DOCK1: variants seen among roughly 807,000 people sequenced by gnomAD.
The protein encoded by DOCK1 is dedicator of cytokinesis 1.
Under a neutral mutation model 262.7 loss-of-function variants are expected in DOCK1, and 138 were observed. That is an observed-to-expected ratio of 0.53 (90% confidence interval 0.46 to 0.61). The LOEUF (loss-of-function observed/expected upper bound fraction) is 0.61, where lower values mean the gene tolerates loss of function less well. Among genes scored for constraint, DOCK1 ranks in the 20% least tolerant of loss-of-function variants. DOCK1 has a pLI of 0.00. For missense variants in DOCK1, 1,908 were observed against 2,370.7 expected (o/e 0.80, Z 4.05); for synonymous variants, 866 against 867.4 (o/e 1.00, Z 0.03).
intron 27 of DOCK1, among the ~76,000 whole-genome samples, chr10:127,198,649 A>G (rs2057321884): frequency 6.6e-6 from 1 of 152,202 alleles, no homozygotes; most frequent in Admixed American, 6.5e-5. Flanking sequence ...GTATAACGGA[A>G]TTCTGTAGCA....
At chr10:127,329,377 G>A (rs995077736) in intron 29 of DOCK1, among the ~76,000 whole-genome samples, 4 of 152,142 alleles carry the variant, frequency 2.6e-5, no homozygotes, top group African/African-American at 9.7e-5. Flanking sequence ...GGACACTGGG[G>A]TGCTGAGGCG....
At chr10:127,094,953 C>T (rs1186093397) in intron 23 of DOCK1, among the ~76,000 whole-genome samples, 1 of 152,170 alleles carries the variant, frequency 6.6e-6, no homozygotes, top group African/African-American at 2.4e-5. Flanking sequence ...CTATGGAGGC[C>T]TCTTCCAAGG....
chr10:127,206,428 G>A (rs941069691), intron 27 of DOCK1, among the ~76,000 whole-genome samples: 3 of 152,166 alleles, frequency 2.0e-5, no homozygotes, highest in African/African-American at 7.2e-5. Flanking sequence ...AAAGGCGTGA[G>A]CCACCGCGCC....
chr10:127,018,598 A>G (rs2135406260), intron 12 of DOCK1, 112 bp from the exon 13 acceptor site: 1 of 1,538,368 alleles, frequency 6.5e-7, no homozygotes, highest in Admixed American at 1.9e-5. Context: ...CTTTTCTCTC[A>G]AGATGTTGAA....
chr10:127,041,789 G>T (rs2044031038), intron 19 of DOCK1, among the ~76,000 whole-genome samples: 1 of 152,182 alleles, frequency 6.6e-6, no homozygotes, highest in African/African-American at 2.4e-5. Context: ...GTTTCCCTTT[G>T]TATGTCCCTA....
intron 23 of DOCK1, among the ~76,000 whole-genome samples, chr10:127,093,801 C>T (rs1165760450): frequency 6.6e-6 from 1 of 152,124 alleles, no homozygotes; most frequent in Non-Finnish European, 1.5e-5. Flanking sequence ...GCTGCTATAA[C>T]AAAATACCTG....
At chr10:127,079,907 GGC>G (rs1564787901) in intron 23 of DOCK1, among the ~76,000 whole-genome samples, 1 of 152,090 alleles carries the variant, frequency 6.6e-6, no homozygotes, top group African/African-American at 2.4e-5. Flanking sequence ...CTCCAGCCTG[GGC>G]GACAAGAATG....
chr10:127,207,893 A>G (rs1319277348), intron 27 of DOCK1, among the ~76,000 whole-genome samples: 1 of 152,182 alleles, frequency 6.6e-6, no homozygotes, highest in Non-Finnish European at 1.5e-5. Flanking sequence ...AAGTTGTTGG[A>G]CAGAATTTTG....
intron 51 of DOCK1, among the ~76,000 whole-genome samples, chr10:127,449,912 A>G (rs1343596064): frequency 2.0e-5 from 3 of 152,122 alleles, no homozygotes; most frequent in African/African-American, 7.2e-5. Flanking sequence ...CTTAATGGTG[A>G]TAAACTTTTG....
chr10:127,301,447 C>T (rs1388523609), intron 29 of DOCK1, among the ~76,000 whole-genome samples: 2 of 152,184 alleles, frequency 1.3e-5, no homozygotes, highest in Non-Finnish European at 2.9e-5. Flanking sequence ...ACTGTGCTAA[C>T]CGCTTCTTTT....
At chr10:127,280,975 G>A (rs370060475) in intron 29 of DOCK1, among the ~76,000 whole-genome samples, 20 of 152,226 alleles carry the variant, frequency 1.3e-4, no homozygotes, top group African/African-American at 4.3e-4. Context: ...TTAGTTTAGC[G>A]AGTTACTCCT....
chr10:127,362,939 C>CCA (rs2064629986), intron 33 of DOCK1, among the ~76,000 whole-genome samples: 2 of 4,544 alleles, frequency 4.4e-4, no homozygotes, highest in African/African-American at 2.4e-3. Flanking sequence ...GCACATCCCC[C>CCA]CACACACATA....
chr10:126,937,478 C>G (rs939904839), intron 1 of DOCK1, among the ~76,000 whole-genome samples: 144 of 150,700 alleles, frequency 9.6e-4, no homozygotes, highest in African/African-American at 3.3e-3. Flanking sequence ...TTGAGTTTCT[C>G]CACACTTGTT....
chr10:127,016,701 AAC>A (rs140164365), intron 12 of DOCK1: 60,401 of 150,320 alleles, frequency 0.4, 12,336 homozygotes, highest in African/African-American at 0.47. Flanking sequence ...AAATACCACA[AAC>A]ACAGACATAC....
At chr10:127,106,177 A>G in intron 23 of DOCK1, 54 bp from the exon 24 acceptor site, 1 of 1,535,538 alleles carries the variant, frequency 6.5e-7, no homozygotes, top group Non-Finnish European at 8.8e-7. Flanking sequence ...ACAAATTGGT[A>G]TGAACACTCC....
At chr10:127,404,548 T>C (rs761446872) in intron 40 of DOCK1, 119 bp downstream of exon 40, 2 of 887,848 alleles carry the variant, frequency 2.3e-6, no homozygotes, top group Non-Finnish European at 3.6e-6. Flanking sequence ...CTCTCTACAC[T>C]GCCATAGCTC....
At chr10:126,908,712 G>T (rs979136708) in intron 1 of DOCK1, among the ~76,000 whole-genome samples, 2 of 152,160 alleles carry the variant, frequency 1.3e-5, no homozygotes, top group African/African-American at 4.8e-5. Context: ...TTTCCCCCTT[G>T]GTTTTGAGTT....
At chr10:127,335,244 C>T (rs2063140843) in intron 29 of DOCK1, among the ~76,000 whole-genome samples, 1 of 152,136 alleles carries the variant, frequency 6.6e-6, no homozygotes, top group Non-Finnish European at 1.5e-5. Flanking sequence ...GCTTCTCTTA[C>T]CTAAACCCAA....
At chr10:127,401,771 G>A (rs2067237967) in intron 38 of DOCK1, among the ~76,000 whole-genome samples, 1 of 152,162 alleles carries the variant, frequency 6.6e-6, no homozygotes, top group South Asian at 2.1e-4. Flanking sequence ...GACTTTCCTG[G>A]TAGGGTGTCA....
Sources: gnomAD v4.1 joint callset for allele counts (sites outside exome capture counted in the v4.1 genomes callset) on GRCh38, gnomAD v4.1.1 for gene constraint, MANE v1.5 for transcripts, NCBI Gene and HGNC (gene_info 2026-07-23, HGNC 2026-07-21) for gene names.